Variants in MID1 observed in about 807,000 individuals in gnomAD.
MID1 encodes E3 ubiquitin-protein ligase Midline-1.
MID1 carries 7 observed loss-of-function variants against 40.4 expected under a neutral mutation model. That is an observed-to-expected ratio of 0.17 (90% CI 0.10 to 0.33). The LOEUF is 0.33. Ranked by LOEUF, MID1 falls within the 10% of genes least tolerant of loss-of-function variation. The pLI, the probability that MID1 is intolerant of heterozygous loss-of-function variation, is 1.00. For synonymous variants in MID1, 229 were observed against 221.2 expected (o/e 1.04, Z -0.31); for missense variants, 367 against 558.5 (o/e 0.66, Z 3.46).
intron 1 of MID1, among the ~76,000 whole-genome samples, chrX:10,651,523 T>A (rs1417212957): frequency 8.9e-6 from 1 of 112,602 alleles, no homozygotes; most frequent in Non-Finnish European, 1.9e-5. Context: ...GCCCCACAGA[T>A]ATTTGAAGAC....
intron 1 of MID1, among the ~76,000 whole-genome samples, chrX:10,616,455 T>C (rs1428774522): frequency 8.9e-6 from 1 of 112,113 alleles, no homozygotes; most frequent in African/African-American, 3.2e-5. Context: ...CCCTACCTTT[T>C]TCTAATCAAA....
chrX:10,785,015 G>T (rs985090129), intron 1 of MID1, among the ~76,000 whole-genome samples: 2 of 110,928 alleles, frequency 1.8e-5, no homozygotes, highest in African/African-American at 6.6e-5. Flanking sequence ...AGGAAAAGAG[G>T]AAGTCAAATT....
chrX:10,765,212 A>G (rs1022270585), intron 1 of MID1, among the ~76,000 whole-genome samples: 4 of 112,263 alleles, frequency 3.6e-5, no homozygotes, highest in African/African-American at 9.7e-5. Context: ...GAAGACCTCC[A>G]TGATAGCATT....
At chrX:10,452,409 T>G (rs1928399473) in intron 9 of MID1, among the ~76,000 whole-genome samples, 1 of 112,344 alleles carries the variant, frequency 8.9e-6, no homozygotes, top group Non-Finnish European at 1.9e-5. Flanking sequence ...TAGGTACATA[T>G]TTCCATTGAG....
chrX:10,552,762 A>C (rs973068823), intron 2 of MID1, among the ~76,000 whole-genome samples: 2 of 111,691 alleles, frequency 1.8e-5, no homozygotes, highest in African/African-American at 6.5e-5. Flanking sequence ...TGATGGAAAG[A>C]GGAACCACTA....
Position 10,580,092 on chromosome X carries a change from T to C in MID1, c.-56-12489A>G, listed in dbSNP as rs759828603. The stretch of plus-strand genomic sequence containing the variant: ...GATCTTTAAGTCTGGGACAATAAAA[T>C]TAGGTTATCATTAAAACACATACAC... On this transcript the variant is annotated intron_variant, in intron 1 of 9. Coordinates refer to ENST00000317552, the MANE Select transcript of MID1 (RefSeq NM_000381.4). Among the ~76,000 whole-genome samples the C allele has an allele frequency of 7.9e-4, 80 of 101,181 alleles. 1 individual carries two copies. Among genetic ancestry groups the C allele is most frequent in the African/African-American group, 2.7e-3 (73 of 27,484 alleles). 87.9% of individuals were successfully genotyped at this position (101,181 alleles called of 115,157 possible). A position where few individuals can be genotyped will look rare whatever the true frequency, so the allele number is the denominator to read the frequency against.
chrX:10,602,261 T>C (rs1442375764), intron 1 of MID1, among the ~76,000 whole-genome samples: 3 of 105,882 alleles, frequency 2.8e-5, no homozygotes, highest in East Asian at 2.8e-4. Context: ...ATGACCACTT[T>C]TAAAAAAATT....
At chrX:10,830,190 C>T (rs1192002161) in intron 1 of MID1, among the ~76,000 whole-genome samples, 1 of 112,281 alleles carries the variant, frequency 8.9e-6, no homozygotes, top group Non-Finnish European at 1.9e-5. Flanking sequence ...GTATCAGTTA[C>T]TTGTTCATTG....
At chrX:10,719,994 T>C (rs1224204239) in intron 1 of MID1, among the ~76,000 whole-genome samples, 5 of 111,943 alleles carry the variant, frequency 4.5e-5, no homozygotes, top group Non-Finnish European at 9.4e-5. Context: ...TGGCTAGTCA[T>C]ATGTAGAAAG....
chrX:10,817,256 GA>G (rs940325698), intron 1 of MID1, among the ~76,000 whole-genome samples: 9 of 112,306 alleles, frequency 8.0e-5, no homozygotes, highest in African/African-American at 2.9e-4. Flanking sequence ...TGAAGGATGG[GA>G]AATGCTAAGT....
intron 2 of MID1, among the ~76,000 whole-genome samples, chrX:10,560,625 C>T (rs549852710): frequency 1.8e-5 from 2 of 110,537 alleles, no homozygotes; most frequent in African/African-American, 6.6e-5. Context: ...TTCACAATTG[C>T]TACAAAGAGA....
intron 1 of MID1, among the ~76,000 whole-genome samples, chrX:10,669,482 A>G (rs2042974941): frequency 9.0e-6 from 1 of 111,416 alleles, no homozygotes; most frequent in African/African-American, 3.3e-5. Flanking sequence ...ACTAATTGTG[A>G]CCCACTCTCA....
At chrX:10,777,322 T>C (rs1440310142) in intron 1 of MID1, among the ~76,000 whole-genome samples, 1 of 110,083 alleles carries the variant, frequency 9.1e-6, no homozygotes. Flanking sequence ...CTCAGCCTCC[T>C]GAGTAGCTGG....
intron 1 of MID1, among the ~76,000 whole-genome samples, chrX:10,596,832 G>T (rs1217747871): frequency 8.9e-6 from 1 of 111,938 alleles, no homozygotes. Context: ...AGAAGAGAAG[G>T]AACAGTCTTT....
At chrX:10,547,079 C>T (rs767032305) in intron 2 of MID1, among the ~76,000 whole-genome samples, 32 of 111,743 alleles carry the variant, frequency 2.9e-4, no homozygotes, top group African/African-American at 1.0e-3. Context: ...TCGCTTGAGC[C>T]CAGAAGTTTG....
chrX:10,465,547 T>G lies in MID1; in HGVS notation c.1285+4150A>C, dbSNP rs929645376. 5.4e-5 allele frequency among the ~76,000 whole-genome samples: 6 copies of G among 111,336 alleles called. No individual in the cohort carries two copies. In the Admixed American group the frequency reaches 5.8e-4, roughly 11 times the overall value. On this transcript the variant is annotated intron_variant, in intron 7 of 9. Transcript: ENST00000317552. ...CAGATATAATTAAGGTCCCTAATTA[T>G]TTGATTTGGAGCTAATCAAATGGCA...
At chrX:10,471,453 G>T (rs746123810) in intron 6 of MID1, among the ~76,000 whole-genome samples, 2 of 112,117 alleles carry the variant, frequency 1.8e-5, no homozygotes, top group African/African-American at 6.5e-5. Context: ...CACCTCCAAC[G>T]TGACAGGCAT....
At chrX:10,685,875 CATACACACACACACA>C (rs1286754733) in intron 1 of MID1, among the ~76,000 whole-genome samples, 5 of 59,640 alleles carry the variant, frequency 8.4e-5, no homozygotes, top group Non-Finnish European at 1.6e-4. Context: ...CCCACATACT[CATACACACACACACA>C]CACACACACA....
At chrX:10,833,209 C>A in intron 1 of MID1, among the ~76,000 whole-genome samples, 1 of 112,216 alleles carries the variant, frequency 8.9e-6, no homozygotes, top group Non-Finnish European at 1.9e-5. Context: ...CTATCACTTC[C>A]TTGGGGACTC....
Sources: allele counts gnomAD v4.1 joint callset (sites outside exome capture counted in the v4.1 genomes callset), GRCh38; gene constraint gnomAD v4.1.1; transcripts MANE v1.5; gene names NCBI Gene and HGNC (gene_info 2026-07-23, HGNC 2026-07-21).